Variants in FAM135A observed in about 807,000 individuals in gnomAD.
FAM135A encodes family with sequence similarity 135 member A, also known as protein FAM135A.
Under a neutral mutation model 146.8 loss-of-function variants are expected in FAM135A, and 79 were observed. The observed-to-expected ratio is 0.54, with a 90% CI of 0.45 to 0.65. The LOEUF is 0.65. Ranked by LOEUF, FAM135A falls within the 30% of genes least tolerant of loss-of-function variation. The probability of loss-of-function intolerance (pLI) is 0.00; values close to 1 mark genes in which losing one functional copy is unlikely to be tolerated. For missense variants in FAM135A, 1,623 were observed against 1,758.2 expected, an observed-to-expected ratio of 0.92 and a Z score of 1.38; for synonymous variants, 562 against 603.6, an observed-to-expected ratio of 0.93 and a Z score of 1.01.
intron 11 of FAM135A, among the ~76,000 whole-genome samples, chr6:70,498,312 G>A (rs1787772143): frequency 6.6e-6 from 1 of 152,154 alleles, no homozygotes; most frequent in South Asian, 2.1e-4. Flanking sequence ...TGTAGGGTCA[G>A]TGGTGATATC....
Position 70,533,154 on chromosome 6 carries a change from T to G in FAM135A, c.3776-6T>G. ...CATCCTTTAAACATCATTTTTCATT[T>G]TTTAGGAAACAGTGCAGATCTCCGA... On this transcript the variant is annotated splice_polypyrimidine_tract_variant and splice_region_variant and intron_variant, in intron 16 of 21. Transcript: ENST00000418814. The G allele has an allele frequency of 6.2e-7, 1 of 1,609,432 alleles. No homozygotes were observed. The highest frequency in any genetic ancestry group is 8.5e-7 in the Non-Finnish European group (1 of 1,176,376).
chr6:70,453,838 A>G (rs566804717), intron 5 of FAM135A, among the ~76,000 whole-genome samples: 1 of 152,292 alleles, frequency 6.6e-6, no homozygotes, highest in African/African-American at 2.4e-5. Flanking sequence ...GGTTGGTTCC[A>G]AGTCTTTGCT....
chr6:70,548,120 T>G (rs930504194), intron 20 of FAM135A, among the ~76,000 whole-genome samples: 3 of 152,198 alleles, frequency 2.0e-5, no homozygotes, highest in African/African-American at 7.2e-5. Flanking sequence ...CTACCAGCAC[T>G]GCTCCTCTGG....
At chr6:70,504,608 C>T (rs955498031) in intron 12 of FAM135A, 1 of 152,026 alleles carries the variant, frequency 6.6e-6, no homozygotes, top group South Asian at 2.1e-4. Flanking sequence ...AATTCAGTTC[C>T]AAGTGGATTG....
At chr6:70,493,927 C>G (rs1011575991) in intron 11 of FAM135A, among the ~76,000 whole-genome samples, 8 of 151,814 alleles carry the variant, frequency 5.3e-5, no homozygotes, top group Non-Finnish European at 7.4e-5. Flanking sequence ...GTGGCGGGCA[C>G]CTGCAATCCC....
intron 10 of FAM135A, among the ~76,000 whole-genome samples, chr6:70,485,819 C>G (rs1163966077): frequency 6.6e-6 from 1 of 151,958 alleles, no homozygotes; most frequent in Non-Finnish European, 1.5e-5. Context: ...ACATGAGAGT[C>G]AGGAGTTCTG....
intron 18 of FAM135A, among the ~76,000 whole-genome samples, chr6:70,534,312 CTTTT>C (rs1179072858): frequency 3.3e-5 from 3 of 89,844 alleles, no homozygotes; most frequent in African/African-American, 9.6e-5. Context: ...AGTTTGTATA[CTTTT>C]TTTTTTTTTT....
At chr6:70,435,926 G>T (rs1198283418) in intron 4 of FAM135A, among the ~76,000 whole-genome samples, 3 of 152,180 alleles carry the variant, frequency 2.0e-5, no homozygotes, top group Non-Finnish European at 4.4e-5. Flanking sequence ...GCTCACGCCT[G>T]TGATCCCAGC....
At chr6:70,463,927 T>C (rs1779896935) in intron 5 of FAM135A, among the ~76,000 whole-genome samples, 2 of 152,212 alleles carry the variant, frequency 1.3e-5, no homozygotes, top group African/African-American at 4.8e-5. Context: ...AGTGTTAGAT[T>C]GCTATTTGCT....
At chr6:70,420,820 G>T (rs1166939104) in intron 2 of FAM135A, among the ~76,000 whole-genome samples, 1 of 151,396 alleles carries the variant, frequency 6.6e-6, no homozygotes, top group African/African-American at 2.4e-5. Context: ...GTTCTTTTTT[G>T]TACTAAGTCT....
In FAM135A at chr6:70,559,728, C is replaced by CAT; in HGVS notation, c.4356_4357insTA (p.Glu1453Ter). ...GTTGGTTCCATAGGACAGATCTATT[C>CAT]AGAAATGATCCACAACTTGCTTCGA... On this transcript the variant is annotated frameshift_variant, in exon 22 of 22. Coordinates refer to ENST00000418814, the MANE Select transcript of FAM135A (RefSeq NM_001162529.3). LOFTEE classifies it high-confidence loss of function. The CAT allele has an allele frequency of 6.2e-7, 1 of 1,613,934 alleles. No homozygotes were observed. Among genetic ancestry groups the CAT allele is most frequent in the Non-Finnish European group, 8.5e-7 (1 of 1,179,952 alleles).
chr6:70,556,032 T>C (rs1305685117), intron 20 of FAM135A, among the ~76,000 whole-genome samples: 1 of 152,076 alleles, frequency 6.6e-6, no homozygotes, highest in African/African-American at 2.4e-5. Context: ...CAGATCACTT[T>C]GAGGCCAGGA....
At chr6:70,543,230 A>G (rs1009372067) in intron 20 of FAM135A, among the ~76,000 whole-genome samples, 1 of 152,210 alleles carries the variant, frequency 6.6e-6, no homozygotes, top group Non-Finnish European at 1.5e-5. Context: ...AGTTACTTGA[A>G]TTTGTGAACT....
At chr6:70,540,881 C>G (rs968357325) in intron 20 of FAM135A, among the ~76,000 whole-genome samples, 2 of 152,156 alleles carry the variant, frequency 1.3e-5, no homozygotes, top group East Asian at 1.9e-4. Context: ...AGTTAGCTTC[C>G]TATCTATTCC....
At chr6:70,511,969 C>T (rs902844091) in intron 12 of FAM135A, among the ~76,000 whole-genome samples, 2 of 151,848 alleles carry the variant, frequency 1.3e-5, no homozygotes, top group African/African-American at 2.4e-5. Context: ...CCATCCTATA[C>T]GCGATCCATC....
intron 20 of FAM135A, among the ~76,000 whole-genome samples, chr6:70,538,658 C>T (rs960538794): frequency 1.3e-5 from 2 of 151,846 alleles, no homozygotes; most frequent in Admixed American, 1.3e-4. Flanking sequence ...AGAATTTCAA[C>T]ATTTGTAACT....
chr6:70,521,456 G>A (rs934013858), intron 12 of FAM135A, among the ~76,000 whole-genome samples: 3 of 152,142 alleles, frequency 2.0e-5, no homozygotes, highest in African/African-American at 7.2e-5. Flanking sequence ...GACACAGAAT[G>A]CATCCTTCTC....
At position 70,526,562 on chromosome 6, in the gene FAM135A, C is replaced by A. The variant is rs770056746; in HGVS notation, c.3478C>A (p.Arg1160=). 1 of 1,613,604 alleles carries A rather than the reference C, an allele frequency of 6.2e-7. No individual in the cohort carries two copies. The highest frequency in any genetic ancestry group is 1.3e-5 in the African/African-American group (1 of 74,972). The change falls in exon 15 of 22, where the codon CGA becomes AGA. Residue 1160 remains arginine, a synonymous_variant. Coordinates refer to ENST00000418814, the MANE Select transcript of FAM135A (RefSeq NM_001162529.3). ...TTGTTTGTCCTTCCCGTCTGCACCA[C>A]GAGAGTCTCCTTGTAATGTTAAATA... The part of the protein sequence containing the change: ...SGCLSFPSAP[R]ESPCNVKYSS...
At chr6:70,461,178 C>T (rs989214609) in intron 5 of FAM135A, among the ~76,000 whole-genome samples, 2 of 152,084 alleles carry the variant, frequency 1.3e-5, no homozygotes, top group African/African-American at 4.8e-5. Context: ...AGATGCTGCT[C>T]TGATGTAGTT....
Sources: gnomAD v4.1 joint callset for allele counts (sites outside exome capture counted in the v4.1 genomes callset) on GRCh38, gnomAD v4.1.1 for gene constraint, MANE v1.5 for transcripts, NCBI Gene and HGNC (gene_info 2026-07-23, HGNC 2026-07-21) for gene names.